NIPBL: variants seen among roughly 807,000 people sequenced by gnomAD.
NIPBL encodes the protein NIPBL cohesin loading factor.
Under a neutral mutation model 321.8 loss-of-function variants are expected in NIPBL, and 19 were observed. The ratio of observed to expected loss-of-function variants is 0.06; its 90% CI spans 0.04 to 0.09. The LOEUF is 0.09. Ranked by LOEUF, NIPBL falls within the 10% of genes least tolerant of loss-of-function variation. NIPBL has a pLI of 1.00. For synonymous variants in NIPBL, 1,106 were observed against 1,114.1 expected (o/e 0.99, Z 0.14); for missense variants, 2,210 against 3,327.0 (o/e 0.66, Z 8.26).
intron 41 of NIPBL, 84 bp downstream of exon 41, chr5:37,051,970 C>A: frequency 1.0e-6 from 1 of 959,958 alleles, no homozygotes; most frequent in Non-Finnish European, 1.7e-6. Context: ...TGCCCACATT[C>A]ATAATTGGAA....
chr5:36,953,414 G>A (rs1055190465), intron 1 of NIPBL, among the ~76,000 whole-genome samples: 2 of 152,174 alleles, frequency 1.3e-5, no homozygotes, highest in African/African-American at 4.8e-5. Context: ...AGTAGCTACT[G>A]TACTGGGTTG....
rs1347732518 is a variant in NIPBL at position 36,955,784 on chromosome 5, T to TTGCA, written c.230+148_230+151dup. 7 of 660,764 alleles carry TTGCA rather than the reference T, an allele frequency of 1.1e-5. No homozygotes were observed. In the African/African-American group the frequency reaches 1.3e-4, roughly 12 times the overall value. 40.9% of individuals were successfully genotyped at this position (660,764 alleles called of 1,614,324 possible). On this transcript the variant is annotated intron_variant, in intron 3 of 46. Transcript: ENST00000282516. The stretch of plus-strand genomic sequence containing the variant: ...ATATCCGAGGGAGAATATAGTCTTA[T>TTGCA]TGCAATAATAGATTAATGAGATTTA...
rs781090000 is a variant in NIPBL at position 37,051,847 on chromosome 5, A to C, written c.7023A>C (p.Gln2341His). Reference sequence around the variant, plus strand: ...CTATGCGGAACAAGGCTGATCAGCAACTTGTGGAAATAGACAAAAAATATG... The same window carrying C: ...CTATGCGGAACAAGGCTGATCAGCACCTTGTGGAAATAGACAAAAAATATG... Reference protein sequence around the residue: ...EPAMRNKADQQLVEIDKKYAG... With the variant: ...EPAMRNKADQHLVEIDKKYAG... The change falls in exon 41 of 47, where the codon CAA (glutamine) becomes CAC (histidine). Residue 2341 changes from glutamine to histidine, a missense_variant. Gln to His is a conservative substitution (Grantham distance 24, BLOSUM62 0). This residue lies in a region of NIPBL where 112 missense variants were observed against 288.3 expected (regional missense o/e 0.39). Transcript: ENST00000282516. 4 of 1,613,952 alleles carry C rather than the reference A, an allele frequency of 2.5e-6. No individual in the cohort carries two copies. The African/African-American group carries it at 5.3e-5, about 22-fold the overall frequency.
intron 1 of NIPBL, among the ~76,000 whole-genome samples, chr5:36,890,075 G>A (rs766561548): frequency 2.6e-5 from 4 of 151,914 alleles, no homozygotes; most frequent in East Asian, 1.9e-4. Context: ...CTCTTTTAAC[G>A]TTGGATCATA....
intron 41 of NIPBL, 93 bp from the exon 42 acceptor site, chr5:37,052,273 A>G (rs1000054623): frequency 7.4e-6 from 7 of 942,376 alleles, no homozygotes; most frequent in East Asian, 4.9e-5. Context: ...AAAAAAAACA[A>G]TGAAGCTAGC....
Position 37,065,957 on chromosome 5 carries a change from AGAGTT to A in NIPBL, c.*1069_*1073del, listed in dbSNP as rs945482145. On this transcript the variant is annotated 3_prime_UTR_variant, in exon 47 of 47. Transcript: ENST00000282516. ...AATGATGTCCGGTTATTTTAGAACT[AGAGTT>A]GAGATGAATATGACACTTCATAATT... 6.6e-6 allele frequency: 1 copy of A among 152,550 alleles called. No homozygotes were observed. Among genetic ancestry groups the A allele is most frequent in the South Asian group, 2.1e-4 (1 of 4,830 alleles). The allele number at this position is 152,550 out of a possible 1,614,324, so 9.4% of individuals were successfully genotyped here.
At chr5:37,041,570 C>CT (rs559689159) in intron 34 of NIPBL, among the ~76,000 whole-genome samples, 34 of 134,790 alleles carry the variant, frequency 2.5e-4, no homozygotes, top group East Asian at 2.2e-3. Context: ...CGGCCTATTT[C>CT]TTTTTTTTTT....
At chr5:36,923,136 TA>T (rs1749080937) in intron 1 of NIPBL, among the ~76,000 whole-genome samples, 1 of 151,918 alleles carries the variant, frequency 6.6e-6, no homozygotes, top group African/African-American at 2.4e-5. Context: ...AATTTTGTAC[TA>T]AAAATACAAA....
intron 1 of NIPBL, among the ~76,000 whole-genome samples, chr5:36,937,467 G>T (rs1054819803): frequency 4.6e-5 from 7 of 152,012 alleles, no homozygotes; most frequent in Admixed American, 4.6e-4. Flanking sequence ...TACCGTTGGA[G>T]ATCTGTGTGC....
intron 1 of NIPBL, among the ~76,000 whole-genome samples, chr5:36,942,607 G>A (rs1561057465): frequency 6.6e-6 from 1 of 151,470 alleles, no homozygotes; most frequent in Non-Finnish European, 1.5e-5. Context: ...GGGGGGTGGT[G>A]GTGCACACCT....
intron 1 of NIPBL, among the ~76,000 whole-genome samples, chr5:36,941,862 T>C (rs887296054): frequency 1.3e-5 from 2 of 152,186 alleles, no homozygotes; most frequent in African/African-American, 4.8e-5. Flanking sequence ...TTTGATGTTA[T>C]CAAAACTTAC....
Position 36,932,778 on chromosome 5 carries a change from G to GTTTTTT in NIPBL, c.-79-20820_-79-20815dup, listed in dbSNP as rs35264312. On this transcript the variant is annotated intron_variant, in intron 1 of 46. Coordinates refer to ENST00000282516, the MANE Select transcript of NIPBL (RefSeq NM_133433.4). ...AGTGTACTATTTAAATTCCTCTGCT[G>GTTTTTT]TTTTTTTTTTTTTTTTTTTTTTTTT... 2.9e-4 allele frequency among the ~76,000 whole-genome samples: 20 copies of GTTTTTT among 69,836 alleles called. 1 individual carries two copies. The highest frequency in any genetic ancestry group is 1.1e-3 in the South Asian group (2 of 1,870). The allele number at this position is 69,836 out of a possible 152,430, so 45.8% of individuals were successfully genotyped here.
chr5:37,017,330 T>C (rs1749105191), intron 24 of NIPBL, among the ~76,000 whole-genome samples, 168 bp downstream of exon 24: 1 of 152,144 alleles, frequency 6.6e-6, no homozygotes, highest in African/African-American at 2.4e-5. Flanking sequence ...TGAGAATGAA[T>C]TATTTAGTCT....
intron 1 of NIPBL, among the ~76,000 whole-genome samples, chr5:36,907,814 A>T (rs1747754550): frequency 6.6e-6 from 1 of 152,212 alleles, no homozygotes; most frequent in South Asian, 2.1e-4. Flanking sequence ...CTAAATAAAT[A>T]CTTTACAATT....
rs1399862025 is a variant in NIPBL at position 36,985,913 on chromosome 5, A to G, written c.2733A>G (p.Lys911=). 5 of 1,613,990 alleles carry G rather than the reference A, an allele frequency of 3.1e-6. No homozygotes were observed. Among genetic ancestry groups the G allele is most frequent in the Middle Eastern group, 1.7e-4 (1 of 6,060 alleles). ...CAAGATCTGATAAACTTGGTTTTAA[A>G]TCACCAACTAGTAAAGATGACAAAA... ...NKSRSDKLGF[K]SPTSKDDKRT... The change falls in exon 10 of 47, where the codon AAA becomes AAG. Residue 911 remains lysine (K), a synonymous_variant. Transcript: ENST00000282516.
chr5:37,042,116 T>A (rs571938344), intron 34 of NIPBL, among the ~76,000 whole-genome samples: 1 of 152,300 alleles, frequency 6.6e-6, no homozygotes, highest in African/African-American at 2.4e-5. Context: ...TGGGAATGTT[T>A]TTAACTAGTG....
At position 36,985,708 on chromosome 5, in the gene NIPBL, C is replaced by A; in HGVS notation, c.2528C>A (p.Pro843Gln). The part of the protein sequence containing the change: ...HRGDQSRVRR[P>Q]ETLRSSSRNE... Reference sequence around the variant, plus strand: ...GGGGATCAGTCTAGGGTTCGAAGACCAGAAACATTGAGATCCTCTAGTAGA... The same window carrying A: ...GGGGATCAGTCTAGGGTTCGAAGACAAGAAACATTGAGATCCTCTAGTAGA... Residue 843 changes from proline (P) to glutamine (Q), a missense_variant, in exon 10 of 47, where the codon CCA (proline) becomes CAA (glutamine). Physicochemically the swap from Pro to Gln is moderately conservative, Grantham distance 76. Transcript: ENST00000282516. The A allele has an allele frequency of 6.2e-7, 1 of 1,613,734 alleles. No homozygotes were observed. The highest frequency in any genetic ancestry group is 2.2e-5 in the East Asian group (1 of 44,854).
intron 2 of NIPBL, among the ~76,000 whole-genome samples, 165 bp downstream of exon 2, chr5:36,953,925 ACTT>A (rs1740671524): frequency 6.6e-6 from 1 of 152,128 alleles, no homozygotes; most frequent in African/African-American, 2.4e-5. Flanking sequence ...AATTTATCTA[ACTT>A]CTTAGTGATG....
intron 6 of NIPBL, among the ~76,000 whole-genome samples, chr5:36,968,770 T>C (rs1321951135): frequency 1.3e-5 from 2 of 152,196 alleles, no homozygotes; most frequent in Admixed American, 1.3e-4. Context: ...TTGTTTCAAT[T>C]CAGGAACAGG....
Sources: gnomAD v4.1 joint callset for allele counts (sites outside exome capture counted in the v4.1 genomes callset) on GRCh38, gnomAD v4.1.1 for gene constraint, gnomAD v4.1.1 regional missense constraint, MANE v1.5 for transcripts, NCBI Gene and HGNC (gene_info 2026-07-23, HGNC 2026-07-21) for gene names.